Variants in EPB41L3 observed in about 807,000 individuals in gnomAD.
EPB41L3 encodes the protein band 4.1-like protein 3.
Under a neutral mutation model 127.1 loss-of-function variants are expected in EPB41L3, and 57 were observed. The ratio of observed to expected loss-of-function variants is 0.45; its 90% CI spans 0.36 to 0.56. The LOEUF is 0.56. EPB41L3 is among the 20% of genes least tolerant of loss of function. The probability of loss-of-function intolerance (pLI) is 0.00; values close to 1 mark genes in which losing one functional copy is unlikely to be tolerated. For synonymous variants in EPB41L3, 572 were observed against 549.5 expected, an observed-to-expected ratio of 1.04 and a Z score of -0.57; for missense variants, 1,273 against 1,372.2, an observed-to-expected ratio of 0.93 and a Z score of 1.14.
In EPB41L3 at chr18:5,392,559, C is replaced by G. The variant is rs1408905503; in HGVS notation, c.*926G>C. 1.3e-5 allele frequency: 2 copies of G among 152,460 alleles called. No individual in the cohort carries two copies. The highest frequency in any genetic ancestry group is 2.9e-5 in the Non-Finnish European group (2 of 68,008). The allele number at this position is 152,460 out of a possible 1,614,324, so 9.4% of individuals were successfully genotyped here. On this transcript the variant is annotated 3_prime_UTR_variant, in exon 23 of 23. Transcript: ENST00000341928. ...GTACAGTTTAAGGCTTGGCTCTGAA[C>G]TAGAATGTAAATATGGACCAGATTT...
At position 5,535,742 on chromosome 18, in the gene EPB41L3, A is replaced by G. The variant is rs555290029; in HGVS notation, c.-12+8171T>C. ...ATTGGTGAATGAAGACTGGATTCCA[A>G]GTAAATCCAAGATCAGTCAAAATCA... On this transcript the variant is annotated intron_variant, in intron 1 of 22. Transcript: ENST00000341928. 2.2e-4 allele frequency among the ~76,000 whole-genome samples: 33 copies of G among 152,334 alleles called. No homozygotes were observed. The South Asian group carries it at 5.0e-3, about 23-fold the overall frequency.
chr18:5,527,862 A>G (rs1476417480), intron 1 of EPB41L3, among the ~76,000 whole-genome samples: 1 of 152,214 alleles, frequency 6.6e-6, no homozygotes, highest in African/African-American at 2.4e-5. Context: ...CCTTGCATAA[A>G]GCGTCCAGTC....
At chr18:5,522,482 T>C (rs918031743) in intron 1 of EPB41L3, among the ~76,000 whole-genome samples, 5 of 152,300 alleles carry the variant, frequency 3.3e-5, no homozygotes, top group East Asian at 1.9e-4. Context: ...TCTGTATCTA[T>C]AGAATAAATT....
At chr18:5,512,028 A>C (rs993678867) in intron 1 of EPB41L3, among the ~76,000 whole-genome samples, 12 of 152,240 alleles carry the variant, frequency 7.9e-5, no homozygotes, top group African/African-American at 2.9e-4. Context: ...CAAGTTCAGC[A>C]ATGTAAGAAA....
intron 1 of EPB41L3, chr18:5,540,395 T>C (rs1217415076): frequency 1.3e-5 from 13 of 985,308 alleles, no homozygotes; most frequent in Middle Eastern, 5.2e-4. Context: ...AGGCAAAGTT[T>C]TAAAGCCAGC....
intron 2 of EPB41L3, among the ~76,000 whole-genome samples, chr18:5,484,323 A>G (rs541267086): frequency 1.3e-5 from 2 of 151,718 alleles, no homozygotes; most frequent in African/African-American, 4.8e-5. Context: ...AAGATAAAAA[A>G]TCTGTGGGCT....
chr18:5,457,293 A>G (rs1351141029), intron 3 of EPB41L3, among the ~76,000 whole-genome samples: 1 of 152,094 alleles, frequency 6.6e-6, no homozygotes, highest in Non-Finnish European at 1.5e-5. Flanking sequence ...GTGATAAAGC[A>G]ATTGTCTTTC....
chr18:5,536,952 T>G (rs1264551392), intron 1 of EPB41L3, among the ~76,000 whole-genome samples: 12 of 152,248 alleles, frequency 7.9e-5, no homozygotes, highest in Non-Finnish European at 1.8e-4. Flanking sequence ...TACAAAATGA[T>G]GCTACTGCTA....
chr18:5,512,685 G>C (rs2092584433), intron 1 of EPB41L3, among the ~76,000 whole-genome samples: 1 of 152,250 alleles, frequency 6.6e-6, no homozygotes, highest in Non-Finnish European at 1.5e-5. Context: ...ATGAGGGGTT[G>C]AATAATTATA....
chr18:5,395,482 C>T (rs554132598), intron 20 of EPB41L3, 127 bp downstream of exon 20: 5 of 819,350 alleles, frequency 6.1e-6, no homozygotes, highest in African/African-American at 5.1e-5. Flanking sequence ...CCCCTTGCAG[C>T]TATCCCGGCG....
chr18:5,630,410 C>T, upstream of EPB41L3: 1 of 518,892 alleles, frequency 1.9e-6, no homozygotes, highest in South Asian at 1.4e-5. Context: ...GGGGCCCCTC[C>T]CGGAGCTTGT....
At chr18:5,560,329 A>G (rs1453423196) in intron 3 of EPB41L3, among the ~76,000 whole-genome samples, 1 of 152,204 alleles carries the variant, frequency 6.6e-6, no homozygotes, top group African/African-American at 2.4e-5. Context: ...ACTAATCTAG[A>G]TTCAGCAACT....
upstream of EPB41L3, chr18:5,630,604 C>T (rs1161228874): frequency 1.5e-5 from 7 of 480,932 alleles, no homozygotes; most frequent in South Asian, 8.8e-5. Flanking sequence ...CCGGGCTCCT[C>T]CCGCAGCTGC....
intron 3 of EPB41L3, among the ~76,000 whole-genome samples, chr18:5,473,340 C>T (rs1421333982): frequency 1.3e-5 from 2 of 152,042 alleles, no homozygotes; most frequent in African/African-American, 4.8e-5. Context: ...ACCTACCACT[C>T]TTAGAGTAAT....
chr18:5,498,594 CA>C (rs397828412), intron 1 of EPB41L3, among the ~76,000 whole-genome samples: 1 of 70,502 alleles, frequency 1.4e-5, no homozygotes, highest in Admixed American at 2.2e-4. Context: ...GACTCCATCT[CA>C]AAAAAAAAAA....
chr18:5,548,838 G>A (rs1185462085), upstream of EPB41L3, among the ~76,000 whole-genome samples: 1 of 152,148 alleles, frequency 6.6e-6, no homozygotes, highest in African/African-American at 2.4e-5. Flanking sequence ...TATAAAGAAT[G>A]GAAGTTGTTA....
chr18:5,572,392 G>A (rs1187735206), intron 3 of EPB41L3, among the ~76,000 whole-genome samples: 1 of 152,084 alleles, frequency 6.6e-6, no homozygotes, highest in Non-Finnish European at 1.5e-5. Context: ...TTTGCATCCT[G>A]ACATCGTCAA....
Position 5,416,122 on chromosome 18 carries a change from A to T in EPB41L3, c.1763T>A (p.Phe588Tyr). ...QTGKGTTLFS[F>Y]SLQLPESFPS... ...GAATGACTCAGGGAGCTGCAAGGAG[A>T]AGGAGAACAGGGTGGTCCCCTTGCC... Residue 588 changes from phenylalanine (F) to tyrosine (Y), a missense_variant, in exon 13 of 23, where the codon TTC (phenylalanine) becomes TAC (tyrosine). Around this residue, in one of 3 missense-constraint regions of EPB41L3, gnomAD observed 765 missense variants for 782.9 expected, o/e 0.98. Coordinates refer to ENST00000341928, the MANE Select transcript of EPB41L3 (RefSeq NM_012307.5). The T allele has an allele frequency of 6.2e-7, 1 of 1,612,968 alleles. No homozygotes were observed. Among genetic ancestry groups the T allele is most frequent in the Non-Finnish European group, 8.5e-7 (1 of 1,179,294 alleles).
intron 22 of EPB41L3, chr18:5,393,686 T>C: frequency 2.2e-6 from 1 of 452,460 alleles, no homozygotes; most frequent in East Asian, 3.5e-5. Context: ...GGAAGAAATC[T>C]GTTTTATTTT....
Sources: gnomAD v4.1 joint callset for allele counts (sites outside exome capture counted in the v4.1 genomes callset) on GRCh38, gnomAD v4.1.1 for gene constraint, gnomAD v4.1.1 regional missense constraint, MANE v1.5 for transcripts, NCBI Gene and HGNC (gene_info 2026-07-23, HGNC 2026-07-21) for gene names.